MGMT: variants seen among roughly 807,000 people sequenced by gnomAD.
The protein encoded by MGMT is O-6-methylguanine-DNA methyltransferase, also known as methylated-DNA--protein-cysteine methyltransferase.
MGMT carries 14 observed loss-of-function variants against 15.9 expected under a neutral mutation model. The observed-to-expected ratio is 0.88, with a 90% confidence interval of 0.58 to 1.37. MGMT has a LOEUF of 1.37. Among genes scored for constraint, MGMT ranks in the 40% most tolerant of loss-of-function variants. The pLI is 0.00. For missense variants in MGMT, 282 were observed against 268.1 expected (o/e 1.05, Z -0.36); for synonymous variants, 130 against 118.2 (o/e 1.10, Z -0.65).
At chr10:129,470,716 G>A (rs970145302) in intron 1 of MGMT, among the ~76,000 whole-genome samples, 9 of 152,128 alleles carry the variant, frequency 5.9e-5, no homozygotes, top group African/African-American at 2.2e-4. Context: ...CTGCCCATGC[G>A]GATGCTCTGA....
At chr10:129,688,131 A>C (rs1348946995) in intron 2 of MGMT, among the ~76,000 whole-genome samples, 3 of 152,178 alleles carry the variant, frequency 2.0e-5, no homozygotes, top group Non-Finnish European at 4.4e-5. Flanking sequence ...TGCTATTGTG[A>C]ATAGTGCCAC....
At chr10:129,676,009 G>A (rs1352986352) in intron 2 of MGMT, among the ~76,000 whole-genome samples, 4 of 152,176 alleles carry the variant, frequency 2.6e-5, no homozygotes, top group Admixed American at 6.5e-5. Context: ...CTGGCACTGC[G>A]CCGGGCTCTC....
intron 1 of MGMT, among the ~76,000 whole-genome samples, chr10:129,468,076 C>G (rs902658649): frequency 4.6e-5 from 5 of 108,830 alleles, no homozygotes; most frequent in African/African-American, 2.3e-4. Flanking sequence ...GAGAGCTGTT[C>G]TCAGTAGAAT....
chr10:129,653,670 C>T (rs775889012), intron 2 of MGMT, among the ~76,000 whole-genome samples: 2 of 152,222 alleles, frequency 1.3e-5, no homozygotes, highest in Non-Finnish European at 2.9e-5. Flanking sequence ...TGCAAGATTA[C>T]ATCATGTGAT....
At chr10:129,661,483 A>G (rs892128615) in intron 2 of MGMT, among the ~76,000 whole-genome samples, 1 of 152,226 alleles carries the variant, frequency 6.6e-6, no homozygotes, top group African/African-American at 2.4e-5. Flanking sequence ...CTTACATTTG[A>G]CAACTATTGA....
In MGMT at chr10:129,768,100, C is replaced by T. The variant is rs151265527; in HGVS notation, c.*1103C>T. Reference sequence around the variant, plus strand: ...TGTTCTTACCCAGCATTCCTTGCCACGGTGTGAACCACAGCAGGGAAGCTC... The same window carrying T: ...TGTTCTTACCCAGCATTCCTTGCCATGGTGTGAACCACAGCAGGGAAGCTC... On this transcript the variant is annotated 3_prime_UTR_variant, in exon 5 of 5. Coordinates refer to ENST00000651593, the MANE Select transcript of MGMT (RefSeq NM_002412.5). 2.5e-3 allele frequency: 386 copies of T among 152,340 alleles called. 3 individuals are homozygous for T. The highest frequency in any genetic ancestry group is 3.6e-3 in the Non-Finnish European group (244 of 68,026). The allele number at this position is 152,340 out of a possible 1,614,324, so 9.4% of individuals were successfully genotyped here.
rs140078213 is a variant in MGMT, at chr10:129,516,073, G to A, written c.-12-20168G>A. Among the ~76,000 whole-genome samples the A allele has an allele frequency of 6.1e-3, 922 of 152,310 alleles. 5 individuals are homozygous for A. Among genetic ancestry groups the A allele is most frequent in the Non-Finnish European group, 9.2e-3 (629 of 68,034 alleles). On this transcript the variant is annotated intron_variant, in intron 1 of 4. Coordinates refer to ENST00000651593, the MANE Select transcript of MGMT (RefSeq NM_002412.5). ...CTCTGTGCTGGTTCCCAGCTTAAAC[G>A]TCCAAGGAAGAGCTCATGACAGTTT...
intron 2 of MGMT, among the ~76,000 whole-genome samples, chr10:129,608,264 C>T (rs987390975): frequency 6.6e-6 from 1 of 152,164 alleles, no homozygotes; most frequent in East Asian, 1.9e-4. Context: ...ATGCGTAGCC[C>T]GGAGCAGAGT....
intron 2 of MGMT, among the ~76,000 whole-genome samples, chr10:129,572,130 A>C (rs1846426860): frequency 6.6e-6 from 1 of 152,194 alleles, no homozygotes; most frequent in Non-Finnish European, 1.5e-5. Context: ...TTAAAGAAAA[A>C]AATGGTGCAG....
chr10:129,477,511 A>G (rs1429721819), intron 1 of MGMT, among the ~76,000 whole-genome samples: 1 of 152,206 alleles, frequency 6.6e-6, no homozygotes, highest in Non-Finnish European at 1.5e-5. Context: ...ACTGAGTCAT[A>G]AGAGTGGGAT....
chr10:129,553,988 C>T (rs1180771735), intron 2 of MGMT, among the ~76,000 whole-genome samples: 4 of 152,228 alleles, frequency 2.6e-5, no homozygotes, highest in East Asian at 3.8e-4. Context: ...CCCCAGTCTG[C>T]GGACACAGTT....
intron 2 of MGMT, among the ~76,000 whole-genome samples, chr10:129,573,155 C>T (rs1334731570): frequency 1.3e-5 from 2 of 151,636 alleles, no homozygotes; most frequent in East Asian, 3.9e-4. Context: ...CTTTTGTTTC[C>T]TGTTGGGTTA....
At chr10:129,626,113 T>G (rs1230661765) in intron 2 of MGMT, among the ~76,000 whole-genome samples, 1 of 152,148 alleles carries the variant, frequency 6.6e-6, no homozygotes, top group East Asian at 1.9e-4. Context: ...CCACTGTTAC[T>G]TATGGACAGG....
intron 1 of MGMT, among the ~76,000 whole-genome samples, chr10:129,485,316 C>G (rs1207323712): frequency 6.6e-6 from 1 of 152,278 alleles, no homozygotes; most frequent in East Asian, 1.9e-4. Flanking sequence ...TCTCTCCCCA[C>G]TTTGGTGAGA....
At chr10:129,480,227 C>G (rs1488409706) in intron 1 of MGMT, among the ~76,000 whole-genome samples, 2 of 152,182 alleles carry the variant, frequency 1.3e-5, no homozygotes, top group African/African-American at 4.8e-5. Flanking sequence ...GTTTTAACAG[C>G]TTCCTCAGAT....
At chr10:129,675,552 G>C (rs1467798863) in intron 2 of MGMT, among the ~76,000 whole-genome samples, 2 of 152,178 alleles carry the variant, frequency 1.3e-5, no homozygotes, top group African/African-American at 4.8e-5. Flanking sequence ...CCATCAGAAG[G>C]GGAAACAGAG....
chr10:129,555,772 A>C (rs1310779303), intron 2 of MGMT, among the ~76,000 whole-genome samples: 5 of 152,202 alleles, frequency 3.3e-5, no homozygotes, highest in Admixed American at 2.6e-4. Context: ...AGAAGAGTGG[A>C]ATATATGTGC....
At chr10:129,563,812 C>A (rs1846307826) in intron 2 of MGMT, 1 of 152,220 alleles carries the variant, frequency 6.6e-6, no homozygotes, top group Non-Finnish European at 1.5e-5. Flanking sequence ...TCGGTGTGAT[C>A]ATTAGGAGGA....
intron 3 of MGMT, among the ~76,000 whole-genome samples, chr10:129,725,460 C>T (rs1299179512): frequency 6.6e-6 from 1 of 152,274 alleles, no homozygotes; most frequent in African/African-American, 2.4e-5. Flanking sequence ...CAGCCTGCTG[C>T]TGTCATGGAA....
Sources: gnomAD v4.1 joint callset for allele counts (sites outside exome capture counted in the v4.1 genomes callset) on GRCh38, gnomAD v4.1.1 for gene constraint, MANE v1.5 for transcripts, NCBI Gene and HGNC (gene_info 2026-07-23, HGNC 2026-07-21) for gene names.